The following EFHB variants were observed in gnomAD, a reference collection of about 807,000 sequenced individuals.
EFHB encodes EF-hand domain family member B.
In EFHB, 91 loss-of-function variants were observed where a neutral mutation model predicts 87.2. That is an observed-to-expected ratio of 1.04 (90% confidence interval 0.88 to 1.24). The LOEUF (loss-of-function observed/expected upper bound fraction) is 1.24, where lower values mean the gene tolerates loss of function less well. EFHB is among the 50% of genes most tolerant of loss of function. The pLI is 0.00. For synonymous variants in EFHB, 325 were observed against 333.6 expected, an observed-to-expected ratio of 0.97 and a Z score of 0.28; for missense variants, 1,084 against 998.8, an observed-to-expected ratio of 1.09 and a Z score of -1.15.
At chr3:19,934,529 C>T (rs1323469721), upstream of EFHB, among the ~76,000 whole-genome samples, 2 of 151,736 alleles carry the variant, frequency 1.3e-5, no homozygotes, top group Admixed American at 1.3e-4. Context: ...TCCCCTCTAT[C>T]CCTGCTTCCT....
chr3:19,925,300 C>T (rs1695583263), intron 1 of EFHB, among the ~76,000 whole-genome samples: 1 of 151,012 alleles, frequency 6.6e-6, no homozygotes, highest in Non-Finnish European at 1.5e-5. Flanking sequence ...CACCCCCGCA[C>T]ACTTGCATGT....
At chr3:19,936,250 T>A (rs1480741905), upstream of EFHB, 1 of 748,144 alleles carries the variant, frequency 1.3e-6, no homozygotes, top group Admixed American at 2.0e-5. Context: ...TCTGAGAGGC[T>A]GAAGTGGGAG....
At chr3:19,912,078 T>C (rs1056069414) in intron 5 of EFHB, among the ~76,000 whole-genome samples, 2 of 152,096 alleles carry the variant, frequency 1.3e-5, no homozygotes, top group Admixed American at 6.5e-5. Flanking sequence ...GAGAAAGATA[T>C]CAATATCCAA....
At position 19,919,832 on chromosome 3, in the gene EFHB, C is replaced by A. The variant is rs376781644; in HGVS notation, c.996+1G>T. ...ACAAGGAAAAAAAGAAAATAACTTA[C>A]CAGTACTGAAATTTTAGATCTAATT... On this transcript the variant is annotated splice_donor_variant, in intron 3 of 12. Transcript: ENST00000295824. LOFTEE classifies it high-confidence loss of function. 49 of 1,610,308 alleles carry A rather than the reference C, an allele frequency of 3.0e-5. No individual in the cohort carries two copies. In the African/African-American group the frequency reaches 5.9e-4, roughly 19 times the overall value.
intron 5 of EFHB, among the ~76,000 whole-genome samples, chr3:19,912,582 A>G (rs1304815622): frequency 6.6e-6 from 1 of 152,180 alleles, no homozygotes; most frequent in African/African-American, 2.4e-5. Context: ...TAACACCGTA[A>G]CTGTGGTATC....
intron 8 of EFHB, 34 bp from the exon 9 acceptor site, chr3:19,896,875 T>G: frequency 2.0e-6 from 3 of 1,521,806 alleles, no homozygotes; most frequent in Non-Finnish European, 2.6e-6. Flanking sequence ...TTACATAAAT[T>G]TAAAGTCTTT....
chr3:19,905,818 T>C, intron 5 of EFHB, 69 bp from the exon 6 acceptor site: 3 of 1,506,996 alleles, frequency 2.0e-6, no homozygotes, highest in South Asian at 2.6e-5. Context: ...AGATGCACAC[T>C]ATGTTCTCAT....
intron 11 of EFHB, among the ~76,000 whole-genome samples, chr3:19,883,917 T>A (rs1258016279): frequency 2.0e-5 from 3 of 152,176 alleles, no homozygotes; most frequent in African/African-American, 7.2e-5. Flanking sequence ...ACCTTGCACG[T>A]CAAGCCTCCA....
chr3:19,923,392 C>T (rs1695506567), intron 1 of EFHB, among the ~76,000 whole-genome samples: 1 of 152,110 alleles, frequency 6.6e-6, no homozygotes, highest in African/African-American at 2.4e-5. Context: ...GGTCTGATTC[C>T]GTCTTCTAGG....
chr3:19,922,376 C>T (rs1478203909), intron 1 of EFHB, among the ~76,000 whole-genome samples: 1 of 152,172 alleles, frequency 6.6e-6, no homozygotes, highest in East Asian at 1.9e-4. Flanking sequence ...ATCCCCAGTT[C>T]TTCTTCATCC....
intron 1 of EFHB, among the ~76,000 whole-genome samples, chr3:19,931,399 T>C (rs1695827185): frequency 6.6e-6 from 1 of 152,180 alleles, no homozygotes; most frequent in South Asian, 2.1e-4. Flanking sequence ...TGCATGTGTG[T>C]GAGATCAGAT....
At chr3:19,888,145 A>G (rs1233885483) in intron 10 of EFHB, among the ~76,000 whole-genome samples, 1 of 152,156 alleles carries the variant, frequency 6.6e-6, no homozygotes, top group Non-Finnish European at 1.5e-5. Context: ...AAAACCATGT[A>G]TAAATGTATA....
rs1271965919 is a variant in EFHB at position 19,915,324 on chromosome 3, A to T, written c.1267T>A (p.Ser423Thr). The change falls in exon 5 of 13, where the codon TCT becomes ACT. Residue 423 changes from serine (S) to threonine (T), a missense_variant. Coordinates refer to ENST00000295824, the MANE Select transcript of EFHB (RefSeq NM_144715.4). ...GNEGHDLYVV[S>T]HNDYYAGEAK... Reference sequence around the variant, plus strand: ...TTACCTGCATAATAATCATTGTGAGAAACAACATACAAATCATGTCCTTCA... The same window carrying T: ...TTACCTGCATAATAATCATTGTGAGTAACAACATACAAATCATGTCCTTCA... 3.7e-6 allele frequency: 6 copies of T among 1,612,614 alleles called. No homozygotes were observed. In the African/African-American group the frequency reaches 8.0e-5, roughly 22 times the overall value.
At chr3:19,940,672 G>A (rs1190743082) in intron 1 of EFHB, 2 of 366,128 alleles carry the variant, frequency 5.5e-6, no homozygotes, top group African/African-American at 2.1e-5. Context: ...CTTGTCATTA[G>A]TGACAGTAAT....
At chr3:19,896,426 C>T in intron 9 of EFHB, 1 of 513,012 alleles carries the variant, frequency 1.9e-6, no homozygotes. Context: ...TGTTAAGGGG[C>T]AAATAGTAAA....
At chr3:19,925,607 T>C (rs1169487398) in intron 1 of EFHB, among the ~76,000 whole-genome samples, 4 of 152,182 alleles carry the variant, frequency 2.6e-5, no homozygotes, top group Admixed American at 6.5e-5. Context: ...GCTGCCTCTT[T>C]GCTCGGTCCC....
At chr3:19,889,625 C>G (rs9847723) in intron 9 of EFHB, among the ~76,000 whole-genome samples, 4,367 of 152,266 alleles carry the variant, frequency 0.029, 213 homozygotes, top group African/African-American at 0.099. Context: ...ACCCACAGCC[C>G]TGGAAAACTT....
chr3:19,908,594 G>A (rs796512754), intron 5 of EFHB, among the ~76,000 whole-genome samples: 3,088 of 90,412 alleles, frequency 0.034, 34 homozygotes, highest in Middle Eastern at 0.055. Flanking sequence ...GAGAGAGAGA[G>A]AGAGAGAAAG....
intron 5 of EFHB, among the ~76,000 whole-genome samples, chr3:19,906,645 G>C (rs1694852186): frequency 1.3e-5 from 2 of 151,802 alleles, no homozygotes; most frequent in South Asian, 4.2e-4. Context: ...AAAGCAAAAT[G>C]CAGATTCAAT....
Sources: allele counts gnomAD v4.1 joint callset (sites outside exome capture counted in the v4.1 genomes callset), GRCh38; gene constraint gnomAD v4.1.1; transcripts MANE v1.5; gene names NCBI Gene and HGNC (gene_info 2026-07-23, HGNC 2026-07-21).